The following GPR61 variants were observed in gnomAD, a reference collection of about 807,000 sequenced individuals.
The protein encoded by GPR61 is G protein-coupled receptor 61.
Under a neutral mutation model 29.2 loss-of-function variants are expected in GPR61, and 15 were observed. The ratio of observed to expected loss-of-function variants is 0.51; its 90% CI spans 0.34 to 0.79. The LOEUF (loss-of-function observed/expected upper bound fraction) is 0.79, where lower values mean the gene tolerates loss of function less well. Among genes scored for constraint, GPR61 ranks in the 30% least tolerant of loss-of-function variants. The probability of loss-of-function intolerance (pLI) is 0.01; values close to 1 mark genes in which losing one functional copy is unlikely to be tolerated. For synonymous variants in GPR61, 238 were observed against 242.3 expected (o/e 0.98, Z 0.17); for missense variants, 399 against 582.5 (o/e 0.69, Z 3.24).
chr1:109,543,544 T>G lies in GPR61; in HGVS notation c.522T>G (p.Ala174=), dbSNP rs779763362. ...VGVWVKALAM[A]SVPVLGRVSW... ...TGTGGGTGAAGGCCTTGGCCATGGC[T>G]TCTGTGCCAGTGTTGGGAAGGGTCT... Residue 174 remains alanine (A), a synonymous_variant, in exon 2 of 2, where the codon GCT becomes GCG. Coordinates refer to ENST00000527748, the MANE Select transcript of GPR61 (RefSeq NM_001393907.1). This position sits in a 1 kb window ranked among gnomAD's most constrained non-coding sequence, Gnocchi z 6.8. 5 of 1,614,032 alleles carry G rather than the reference T, an allele frequency of 3.1e-6. No individual in the cohort carries two copies. In the African/African-American group the frequency reaches 5.3e-5, roughly 17 times the overall value.
Position 109,543,833 on chromosome 1 carries a change from GC to G in GPR61, c.817del (p.Gln273ArgfsTer40), listed in dbSNP as rs1171793286. On this transcript the variant is annotated frameshift_variant, in exon 2 of 2. Coordinates refer to ENST00000527748, the MANE Select transcript of GPR61 (RefSeq NM_001393907.1). LOFTEE classifies it high-confidence loss of function. The surrounding 1 kb of genome is among the most constrained non-coding windows in gnomAD (Gnocchi z 6.8). Reference sequence around the variant, plus strand: ...CTCCACGATGGTCACCAGCTCGGGGGCCCCCCAGACCACCCCACACCGGACG... The same window carrying G: ...CTCCACGATGGTCACCAGCTCGGGGGCCCCCAGACCACCCCACACCGGACG... ...SRSTMVTSSGAPQTTPHRTFG... is the reference protein window; with the variant it reads ...SRSTMVTSSGXPQTTPHRTFG... The G allele has an allele frequency of 1.9e-6, 3 of 1,613,076 alleles. No homozygotes were observed.
At position 109,543,205 on chromosome 1, in the gene GPR61, C is replaced by T. The variant is rs766429683; in HGVS notation, c.183C>T (p.Ala61=). The change falls in exon 2 of 2, where the codon GCC becomes GCT. Residue 61 remains alanine, a synonymous_variant. Coordinates refer to ENST00000527748, the MANE Select transcript of GPR61 (RefSeq NM_001393907.1). The surrounding 1 kb of genome is among the most constrained non-coding windows in gnomAD (Gnocchi z 6.8). Reference sequence around the variant, plus strand: ...ACTTGACTGCTGTGGCTGGCAATGCCGCTGTGATGGCCGTGATCGCCAAGA... The same window carrying T: ...ACTTGACTGCTGTGGCTGGCAATGCTGCTGTGATGGCCGTGATCGCCAAGA... ...LLDLTAVAGN[A]AVMAVIAKTP... 58 of 1,613,996 alleles carry T rather than the reference C, an allele frequency of 3.6e-5. No individual in the cohort carries two copies. Among genetic ancestry groups the T allele is most frequent in the African/African-American group, 1.3e-4 (10 of 74,922 alleles).
rs761509165 is a variant in GPR61 at position 109,543,661 on chromosome 1, T to A, written c.639T>A (p.Ala213=). The A allele has an allele frequency of 6.2e-6, 10 of 1,613,938 alleles. No homozygotes were observed. Among genetic ancestry groups the A allele is most frequent in the South Asian group, 3.3e-5 (3 of 91,086 alleles). Residue 213 remains alanine, a synonymous_variant, in exon 2 of 2, where the codon GCT becomes GCA. Coordinates refer to ENST00000527748, the MANE Select transcript of GPR61 (RefSeq NM_001393907.1). This position sits in a 1 kb window ranked among gnomAD's most constrained non-coding sequence, Gnocchi z 6.8. ...AYCQLFVVVF[A]VLYFLLPLLL... ...GCCAGCTTTTTGTGGTGGTCTTTGC[T>A]GTCCTTTACTTTCTGTTGCCCCTGC...
At position 109,544,325 on chromosome 1, in the gene GPR61, A is replaced by G; in HGVS notation, c.1303A>G (p.Ile435Val). Residue 435 changes from isoleucine to valine, a missense_variant, in exon 2 of 2, where the codon ATC (isoleucine) becomes GTC (valine). Ile to Val is a conservative substitution (Grantham distance 29, BLOSUM62 3). Transcript: ENST00000527748. The surrounding 1 kb of genome is among the most constrained non-coding windows in gnomAD (Gnocchi z 4.6). The part of the protein sequence containing the change: ...FLEQQLTSDI[I>V]MSDSYLRPAA... ...GGAGCAGCAACTCACCAGCGACATC[A>G]TCATGTCAGACAGCTACCTCCGTCC... The G allele has an allele frequency of 6.2e-7, 1 of 1,613,722 alleles. No homozygotes were observed.
intron 1 of GPR61, among the ~76,000 whole-genome samples, chr1:109,541,418 T>C (rs1647637999): frequency 6.6e-6 from 1 of 152,212 alleles, no homozygotes; most frequent in African/African-American, 2.4e-5. Context: ...ATTCACAAAA[T>C]TGTATTCAGC....
rs759166770 is a variant in GPR61 at position 109,543,149 on chromosome 1, T to C, written c.127T>C (p.Ser43Pro). The change falls in exon 2 of 2, where the codon TCT becomes CCT. Residue 43 changes from serine to proline, a missense_variant. Physicochemically the swap from Ser to Pro is moderately conservative, Grantham distance 74 (BLOSUM62 -1). Coordinates refer to ENST00000527748, the MANE Select transcript of GPR61 (RefSeq NM_001393907.1). This position sits in a 1 kb window ranked among gnomAD's most constrained non-coding sequence, Gnocchi z 6.8. ...EVGLRDVASE[S>P]VALFFMLLLD... ...GGGGCTACGGGATGTTGCTTCGGAA[T>C]CTGTGGCCCTCTTCTTCATGCTCCT... 1 of 1,608,066 alleles carries C rather than the reference T, an allele frequency of 6.2e-7. No individual in the cohort carries two copies. The highest frequency in any genetic ancestry group is 2.2e-5 in the East Asian group (1 of 44,804).
Position 109,542,900 on chromosome 1 carries a change from A to G in GPR61, c.-123A>G. 2.2e-6 allele frequency: 3 copies of G among 1,368,570 alleles called. No homozygotes were observed. The highest frequency in any genetic ancestry group is 3.0e-6 in the Non-Finnish European group (3 of 984,400). 84.8% of individuals were successfully genotyped at this position (1,368,570 alleles called of 1,614,324 possible). ...CAGACAAACCTGCCCAAGAGGCTCC[A>G]GTGGGAGGTGCCCCCTACGAAACCA... On this transcript the variant is annotated 5_prime_UTR_variant, in exon 2 of 2. Coordinates refer to ENST00000527748, the MANE Select transcript of GPR61 (RefSeq NM_001393907.1).
chr1:109,541,296 G>A (rs1647635240), intron 1 of GPR61, among the ~76,000 whole-genome samples: 1 of 152,176 alleles, frequency 6.6e-6, no homozygotes, highest in African/African-American at 2.4e-5. Flanking sequence ...CAGGAACCCC[G>A]GCTACCCTTT....
At position 109,542,902 on chromosome 1, in the gene GPR61, T is replaced by C. The variant is rs1647676106; in HGVS notation, c.-121T>C. The C allele has an allele frequency of 1.4e-6, 2 of 1,392,918 alleles. No homozygotes were observed. 86.3% of individuals were successfully genotyped at this position (1,392,918 alleles called of 1,614,324 possible). On this transcript the variant is annotated 5_prime_UTR_variant, in exon 2 of 2. Transcript: ENST00000527748. The stretch of plus-strand genomic sequence containing the variant: ...GACAAACCTGCCCAAGAGGCTCCAG[T>C]GGGAGGTGCCCCCTACGAAACCAGG...
rs1246821847 is a variant in GPR61 at position 109,543,524 on chromosome 1, G to T, written c.502G>T (p.Val168Leu). 6.2e-7 allele frequency: 1 copy of T among 1,614,016 alleles called. No individual in the cohort carries two copies. Among genetic ancestry groups the T allele is most frequent in the Non-Finnish European group, 8.5e-7 (1 of 1,180,012 alleles). The change falls in exon 2 of 2, where the codon GTG becomes TTG. Residue 168 changes from valine (V) to leucine (L), a missense_variant. Val to Leu is a conservative substitution (Grantham distance 32). Around this residue, in one of 3 missense-constraint regions of GPR61, gnomAD observed 320 missense variants for 459.8 expected, o/e 0.70. Transcript: ENST00000527748. The surrounding 1 kb of genome is among the most constrained non-coding windows in gnomAD (Gnocchi z 6.8). ...GGCCTCTGTGCTGGTGGGTGTGTGGGTGAAGGCCTTGGCCATGGCTTCTGT... is the reference window on the plus strand; with the variant it reads ...GGCCTCTGTGCTGGTGGGTGTGTGGTTGAAGGCCTTGGCCATGGCTTCTGT... ...LVASVLVGVW[V>L]KALAMASVPV...
In GPR61 at chr1:109,542,759, G is replaced by GCACCTCT. The variant is rs1292077903; in HGVS notation, c.-260_-254dup. 2 of 665,288 alleles carry GCACCTCT rather than the reference G, an allele frequency of 3.0e-6. No individual in the cohort carries two copies. Among genetic ancestry groups the GCACCTCT allele is most frequent in the Admixed American group, 4.1e-5 (2 of 48,838 alleles). The allele number at this position is 665,288 out of a possible 1,614,324, so 41.2% of individuals were successfully genotyped here. A position where few individuals can be genotyped will look rare whatever the true frequency, so the allele number is the denominator to read the frequency against. ...GGAGTGTTGAGTGGGTCAGGCTCCT[G>GCACCTCT]CACCTCTCACGTCTCCTGCTTCTTA... On this transcript the variant is annotated 5_prime_UTR_variant, in exon 2 of 2. Transcript: ENST00000527748.
rs770168269 is a variant in GPR61, at chr1:109,544,373, T to A, written c.1351T>A (p.Ser451Thr). Reference protein sequence around the residue: ...LRPAASPRLES With the variant: ...LRPAASPRLET ...TCCTGCCGCCTCACCCCGGCTGGAGTCATGATGGGCCGCTGGACACTCGGA... is the reference window on the plus strand; with the variant it reads ...TCCTGCCGCCTCACCCCGGCTGGAGACATGATGGGCCGCTGGACACTCGGA... The change falls in exon 2 of 2, where the codon TCA becomes ACA. Residue 451 changes from serine to threonine, a missense_variant. By Grantham distance (58) the Ser-to-Thr change is moderately conservative. Around this residue, in one of 3 missense-constraint regions of GPR61, gnomAD observed 320 missense variants for 459.8 expected, o/e 0.70. Transcript: ENST00000527748. The surrounding 1 kb of genome is among the most constrained non-coding windows in gnomAD (Gnocchi z 4.6). 2.5e-6 allele frequency: 4 copies of A among 1,609,150 alleles called. No homozygotes were observed. Among genetic ancestry groups the A allele is most frequent in the Non-Finnish European group, 3.4e-6 (4 of 1,177,034 alleles).
In GPR61 at chr1:109,543,117, C is replaced by T. The variant is rs949333514; in HGVS notation, c.95C>T (p.Pro32Leu). The T allele has an allele frequency of 5.0e-6, 8 of 1,584,974 alleles. No individual in the cohort carries two copies. The highest frequency in any genetic ancestry group is 2.4e-5 in the South Asian group (2 of 84,778). The change falls in exon 2 of 2, where the codon CCG becomes CTG. Residue 32 changes from proline (P) to leucine (L), a missense_variant. Physicochemically the swap from Pro to Leu is moderately conservative, Grantham distance 98 (BLOSUM62 -3). Around this residue, in one of 3 missense-constraint regions of GPR61, gnomAD observed 78 missense variants for 101.0 expected, o/e 0.77. Coordinates refer to ENST00000527748, the MANE Select transcript of GPR61 (RefSeq NM_001393907.1). This position sits in a 1 kb window ranked among gnomAD's most constrained non-coding sequence, Gnocchi z 6.8. Reference sequence around the variant, plus strand: ...GGTCCCTCTACTGCCAGTGGGGTCCCGGAGGTGGGGCTACGGGATGTTGCT... The same window carrying T: ...GGTCCCTCTACTGCCAGTGGGGTCCTGGAGGTGGGGCTACGGGATGTTGCT... Reference protein sequence around the residue: ...TPGPSTASGVPEVGLRDVASE... With the variant: ...TPGPSTASGVLEVGLRDVASE...
rs764619304 is a variant in GPR61, at chr1:109,543,863, G to A, written c.841G>A (p.Gly281Arg). ...CCAGACCACCCCACACCGGACGTTT[G>A]GGGGAGGGAAAGCAGCAGTGGTTCT... Reference protein sequence around the residue: ...APQTTPHRTFGGGKAAVVLLA... With the variant: ...APQTTPHRTFRGGKAAVVLLA... Residue 281 changes from glycine to arginine, a missense_variant, in exon 2 of 2, where the codon GGG (glycine) becomes AGG (arginine). Physicochemically the swap from Gly to Arg is moderately radical, Grantham distance 125. Transcript: ENST00000527748. This position sits in a 1 kb window ranked among gnomAD's most constrained non-coding sequence, Gnocchi z 6.8. The A allele has an allele frequency of 6.2e-7, 1 of 1,612,948 alleles. No individual in the cohort carries two copies. Among genetic ancestry groups the A allele is most frequent in the African/African-American group, 1.3e-5 (1 of 74,934 alleles).
At chr1:109,540,598 G>A (rs552089416) in intron 1 of GPR61, among the ~76,000 whole-genome samples, 1 of 151,970 alleles carries the variant, frequency 6.6e-6, no homozygotes, top group Non-Finnish European at 1.5e-5. Context: ...GCTGTTGGAA[G>A]TAAGTAGTGG....
chr1:109,541,748 C>A (rs1647648302), intron 1 of GPR61, among the ~76,000 whole-genome samples: 2 of 152,230 alleles, frequency 1.3e-5, no homozygotes, highest in African/African-American at 4.8e-5. Flanking sequence ...TCCTTTCCCA[C>A]AAGAGGGGCA....
In GPR61 at chr1:109,546,922, G is replaced by A. The variant is rs1647823041; in HGVS notation, c.*2544G>A. 6.6e-6 allele frequency: 1 copy of A among 152,180 alleles called. No homozygotes were observed. Among genetic ancestry groups the A allele is most frequent in the South Asian group, 2.1e-4 (1 of 4,828 alleles). 9.4% of individuals were successfully genotyped at this position (152,180 alleles called of 1,614,324 possible). On this transcript the variant is annotated 3_prime_UTR_variant, in exon 2 of 2. Coordinates refer to ENST00000527748, the MANE Select transcript of GPR61 (RefSeq NM_001393907.1). ...CTCACTGAAGAATCAACAGATTGAG[G>A]CAACCATCCGGTCAGTTACTTTTTC...
Position 109,543,238 on chromosome 1 carries a change from C to T in GPR61, c.216C>T (p.Ala72=). ...TGGCCGTGATCGCCAAGACGCCTGC[C>T]CTCCGAAAATTTGTCTTCGTCTTCC... ...AVMAVIAKTP[A]LRKFVFVFHL... The change falls in exon 2 of 2, where the codon GCC becomes GCT. Residue 72 remains alanine, a synonymous_variant. Transcript: ENST00000527748. The surrounding 1 kb of genome is among the most constrained non-coding windows in gnomAD (Gnocchi z 6.8). The T allele has an allele frequency of 1.9e-6, 3 of 1,614,174 alleles. No individual in the cohort carries two copies. Among genetic ancestry groups the T allele is most frequent in the Admixed American group, 3.3e-5 (2 of 60,022 alleles).
rs900435478 is a variant in GPR61, at chr1:109,545,691, C to A, written c.*1313C>A. 1 of 152,198 alleles carries A rather than the reference C, an allele frequency of 6.6e-6. No individual in the cohort carries two copies. Among genetic ancestry groups the A allele is most frequent in the Non-Finnish European group, 1.5e-5 (1 of 68,032 alleles). The allele number at this position is 152,198 out of a possible 1,614,324, so 9.4% of individuals were successfully genotyped here. The stretch of plus-strand genomic sequence containing the variant: ...CCTCAATTGAATCAGGTAACACTAA[C>A]GGATCAAGGCAGGGCCAGAGGGTGG... On this transcript the variant is annotated 3_prime_UTR_variant, in exon 2 of 2. Transcript: ENST00000527748.
Sources: gnomAD v4.1 joint callset for allele counts (sites outside exome capture counted in the v4.1 genomes callset) on GRCh38, gnomAD v4.1.1 for gene constraint, gnomAD v4.1.1 regional missense constraint, Gnocchi (gnomAD v3.1) non-coding constraint, MANE v1.5 for transcripts, NCBI Gene and HGNC (gene_info 2026-07-23, HGNC 2026-07-21) for gene names.